RUNDC3B: variants seen among roughly 807,000 people sequenced by gnomAD.
RUNDC3B encodes the protein RUN domain-containing protein 3B.
RUNDC3B carries 33 observed loss-of-function variants against 58.4 expected under a neutral mutation model. The observed-to-expected ratio is 0.56, with a 90% CI of 0.43 to 0.75. RUNDC3B has a LOEUF of 0.75. Among genes scored for constraint, RUNDC3B ranks in the 30% least tolerant of loss-of-function variants. The probability of loss-of-function intolerance (pLI) is 0.00; values close to 1 mark genes in which losing one functional copy is unlikely to be tolerated. For synonymous variants in RUNDC3B, 193 were observed against 195.2 expected, an observed-to-expected ratio of 0.99 and a Z score of 0.10; for missense variants, 501 against 535.7, an observed-to-expected ratio of 0.94 and a Z score of 0.64.
chr7:87,700,117 G>T (rs1455986084), intron 2 of RUNDC3B, among the ~76,000 whole-genome samples: 1 of 151,986 alleles, frequency 6.6e-6, no homozygotes, highest in African/African-American at 2.4e-5. Flanking sequence ...GACTGTATTA[G>T]ACAAATAGGA....
intron 10 of RUNDC3B, among the ~76,000 whole-genome samples, 176 bp downstream of exon 10, chr7:87,816,438 G>C (rs10235854): frequency 1.3e-5 from 2 of 151,910 alleles, no homozygotes; most frequent in Non-Finnish European, 2.9e-5. Flanking sequence ...GTGTGGGGGG[G>C]GCTAACCTTC....
rs150376546 is a variant in RUNDC3B at position 87,681,886 on chromosome 7, C to A, written c.239-18535C>A. On this transcript the variant is annotated intron_variant, in intron 2 of 10. Coordinates refer to ENST00000394654, the MANE Select transcript of RUNDC3B (RefSeq NM_001134405.2). ...GTGAATTTTGCTGCATCCATGGACTCTTCCTTTCATGAAAGGTTTCTCTCT... is the reference window on the plus strand; with the variant it reads ...GTGAATTTTGCTGCATCCATGGACTATTCCTTTCATGAAAGGTTTCTCTCT... Among the ~76,000 whole-genome samples the A allele has an allele frequency of 5.7e-3, 867 of 152,298 alleles. 9 individuals carry two copies. The highest frequency in any genetic ancestry group is 0.031 in the Middle Eastern group (9 of 294).
intron 1 of RUNDC3B, among the ~76,000 whole-genome samples, chr7:87,632,149 T>C (rs889692321): frequency 1.3e-5 from 2 of 151,992 alleles, no homozygotes; most frequent in Admixed American, 1.3e-4. Flanking sequence ...ATCATTCTAG[T>C]GTATCCACTT....
intron 4 of RUNDC3B, among the ~76,000 whole-genome samples, chr7:87,738,848 A>G (rs899439754): frequency 1.3e-5 from 2 of 152,090 alleles, no homozygotes; most frequent in South Asian, 2.1e-4. Context: ...GATTATGAGC[A>G]TATTGAAATT....
At chr7:87,825,505 AG>A (rs1837754807) in intron 10 of RUNDC3B, among the ~76,000 whole-genome samples, 1 of 152,174 alleles carries the variant, frequency 6.6e-6, no homozygotes, top group South Asian at 2.1e-4. Flanking sequence ...AACTTCTACC[AG>A]GGCAGTGCAG....
chr7:87,705,633 A>G (rs1335612521), intron 3 of RUNDC3B, among the ~76,000 whole-genome samples: 1 of 152,190 alleles, frequency 6.6e-6, no homozygotes, highest in Non-Finnish European at 1.5e-5. Flanking sequence ...GTTATGGAAC[A>G]TGAGACTTTT....
intron 2 of RUNDC3B, among the ~76,000 whole-genome samples, chr7:87,674,554 G>T (rs1335180721): frequency 6.6e-6 from 1 of 152,144 alleles, no homozygotes; most frequent in Non-Finnish European, 1.5e-5. Context: ...AAGCAGTGGG[G>T]AGTCAGGGCA....
intron 7 of RUNDC3B, among the ~76,000 whole-genome samples, chr7:87,772,186 A>C (rs937211018): frequency 6.6e-6 from 1 of 152,150 alleles, no homozygotes. Flanking sequence ...TTTTTGTTTA[A>C]TATAATTTAC....
chr7:87,683,755 C>A (rs1210271927), intron 2 of RUNDC3B, among the ~76,000 whole-genome samples: 1 of 152,104 alleles, frequency 6.6e-6, no homozygotes, highest in Admixed American at 6.6e-5. Flanking sequence ...CAAAACATGA[C>A]AGGGAGACAC....
chr7:87,802,981 C>G (rs1012416004), intron 8 of RUNDC3B, among the ~76,000 whole-genome samples: 1 of 151,682 alleles, frequency 6.6e-6, no homozygotes, highest in South Asian at 2.1e-4. Flanking sequence ...TGAGACCCTA[C>G]TCAAAATAAA....
chr7:87,793,802 C>A (rs1181744341), intron 8 of RUNDC3B, among the ~76,000 whole-genome samples: 1 of 152,072 alleles, frequency 6.6e-6, no homozygotes, highest in African/African-American at 2.4e-5. Flanking sequence ...CCACTGCTGT[C>A]ATTCAGTAAT....
intron 1 of RUNDC3B, among the ~76,000 whole-genome samples, chr7:87,634,249 T>C (rs1281824358): frequency 6.6e-6 from 1 of 151,940 alleles, no homozygotes; most frequent in Non-Finnish European, 1.5e-5. Context: ...CACCATCACA[T>C]TGGAGATCAA....
chr7:87,658,329 A>G (rs28746493), intron 2 of RUNDC3B, among the ~76,000 whole-genome samples: 48 of 152,322 alleles, frequency 3.2e-4, no homozygotes, highest in Admixed American at 5.9e-4. Context: ...AGACAAAACA[A>G]TAGAAATTTC....
At chr7:87,688,946 A>G (rs1827745111) in intron 2 of RUNDC3B, among the ~76,000 whole-genome samples, 1 of 151,944 alleles carries the variant, frequency 6.6e-6, no homozygotes, top group Non-Finnish European at 1.5e-5. Flanking sequence ...ATTTTCATTC[A>G]CCAATTTAAA....
rs375246113 is a variant in RUNDC3B, at chr7:87,829,869, T to C, written c.1226-16T>C. 5 of 1,568,128 alleles carry C rather than the reference T, an allele frequency of 3.2e-6. No homozygotes were observed. In the East Asian group the frequency reaches 1.1e-4, roughly 35 times the overall value. On this transcript the variant is annotated splice_polypyrimidine_tract_variant and intron_variant, in intron 10 of 10. Transcript: ENST00000394654. ...GAAGGGCAATTAATTATTTGCTATT[T>C]AATTCTAATTTTCAGGTAAGGAAGA...
chr7:87,738,521 A>T (rs1290903572), intron 4 of RUNDC3B, among the ~76,000 whole-genome samples: 4 of 151,834 alleles, frequency 2.6e-5, no homozygotes, highest in Admixed American at 1.3e-4. Context: ...ATAGTTGACT[A>T]TTTTTTCCAT....
At chr7:87,693,923 G>T (rs778682767) in intron 2 of RUNDC3B, 2 of 1,609,364 alleles carry the variant, frequency 1.2e-6, no homozygotes, top group East Asian at 2.2e-5. Context: ...TCCCAAAGTT[G>T]CAGATGGCTG....
chr7:87,825,880 A>G lies in RUNDC3B; in HGVS notation c.1226-4005A>G, dbSNP rs181657468. Among the ~76,000 whole-genome samples, 35 of 152,168 alleles carry G rather than the reference A, an allele frequency of 2.3e-4. No homozygotes were observed. The East Asian group carries it at 6.6e-3, about 29-fold the overall frequency. ...GTATGTAGCCCCTTTGTTTTGGCCA[A>G]TTTCTCCAGTTTGGAACAGCTGTAT... On this transcript the variant is annotated intron_variant, in intron 10 of 10. Coordinates refer to ENST00000394654, the MANE Select transcript of RUNDC3B (RefSeq NM_001134405.2).
chr7:87,822,230 C>A (rs1190334779), intron 10 of RUNDC3B, among the ~76,000 whole-genome samples: 1 of 152,064 alleles, frequency 6.6e-6, no homozygotes, highest in Non-Finnish European at 1.5e-5. Flanking sequence ...GGGCGAAGGA[C>A]ATGAACAGAC....
Sources: allele counts gnomAD v4.1 joint callset (sites outside exome capture counted in the v4.1 genomes callset), GRCh38; gene constraint gnomAD v4.1.1; transcripts MANE v1.5; gene names NCBI Gene and HGNC (gene_info 2026-07-23, HGNC 2026-07-21).